KLHL29: variants seen among roughly 807,000 people sequenced by gnomAD.
The protein encoded by KLHL29 is kelch-like protein 29.
A neutral mutation model predicts 80.4 loss-of-function variants in KLHL29; 21 were observed. The ratio of observed to expected loss-of-function variants is 0.26; its 90% CI spans 0.19 to 0.38. KLHL29 has a LOEUF of 0.38. KLHL29 is among the 10% of genes least tolerant of loss of function. KLHL29 has a pLI of 1.00. For synonymous variants in KLHL29, 511 were observed against 526.8 expected, an observed-to-expected ratio of 0.97 and a Z score of 0.41; for missense variants, 867 against 1,223.9, an observed-to-expected ratio of 0.71 and a Z score of 4.35.
In KLHL29 at chr2:23,477,737, G is replaced by A. The variant is rs1005087818; in HGVS notation, c.-46+2070G>A. On this transcript the variant is annotated intron_variant, in intron 2 of 13. Coordinates refer to ENST00000486442, the MANE Select transcript of KLHL29 (RefSeq NM_052920.2). ...GAGTTGGAAAACAAGACAGCGCAGC[G>A]TCAGTTTGGCAGCCATGGCATCCCC... is the stretch of plus-strand genomic sequence containing the variant. Among the ~76,000 whole-genome samples the A allele has an allele frequency of 7.2e-5, 11 of 152,220 alleles. No homozygotes were observed. In the East Asian group the frequency reaches 7.7e-4, roughly 11 times the overall value.
At chr2:23,466,311 T>A (rs1315084097) in intron 1 of KLHL29, among the ~76,000 whole-genome samples, 2 of 152,224 alleles carry the variant, frequency 1.3e-5, no homozygotes, top group East Asian at 3.8e-4. Flanking sequence ...TAATGTGTAA[T>A]AAAATATAAA....
At chr2:23,550,266 G>T (rs1354820534) in intron 2 of KLHL29, among the ~76,000 whole-genome samples, 1 of 152,166 alleles carries the variant, frequency 6.6e-6, no homozygotes, top group East Asian at 1.9e-4. Flanking sequence ...AATTGCTTGA[G>T]AGGGAAAGGG....
chr2:23,565,728 C>T (rs1667574869), intron 3 of KLHL29, among the ~76,000 whole-genome samples: 1 of 152,182 alleles, frequency 6.6e-6, no homozygotes. Flanking sequence ...TGTCCGAGCT[C>T]ACCAGAGTGT....
intron 5 of KLHL29, among the ~76,000 whole-genome samples, chr2:23,674,849 G>A (rs141007387): frequency 7.9e-5 from 12 of 152,098 alleles, no homozygotes; most frequent in Admixed American, 2.6e-4. Flanking sequence ...ATAAAAGGAC[G>A]GTAGGGCCAC....
At chr2:23,573,898 G>A (rs1667779196) in intron 3 of KLHL29, among the ~76,000 whole-genome samples, 1 of 152,178 alleles carries the variant, frequency 6.6e-6, no homozygotes, top group African/African-American at 2.4e-5. Flanking sequence ...TCCAGCCCCC[G>A]CTTTCAGAGG....
At chr2:23,439,015 A>G (rs572043906) in intron 1 of KLHL29, among the ~76,000 whole-genome samples, 12 of 148,518 alleles carry the variant, frequency 8.1e-5, no homozygotes, top group Admixed American at 8.0e-4. Flanking sequence ...TCAGAGATTC[A>G]ACTTCTTCCT....
At position 23,607,668 on chromosome 2, in the gene KLHL29, C is replaced by A. The variant is rs77246136; in HGVS notation, c.286-31471C>A. On this transcript the variant is annotated intron_variant, in intron 3 of 13. Coordinates refer to ENST00000486442, the MANE Select transcript of KLHL29 (RefSeq NM_052920.2). Reference sequence around the variant, plus strand: ...AGCATGACCACCTGAGCTCCATCTCCTGTCAGATCAGCAATGACAATAGAT... The same window carrying A: ...AGCATGACCACCTGAGCTCCATCTCATGTCAGATCAGCAATGACAATAGAT... Among the ~76,000 whole-genome samples, 5 of 152,150 alleles carry A rather than the reference C, an allele frequency of 3.3e-5. No individual in the cohort carries two copies. The East Asian group carries it at 9.7e-4, about 29-fold the overall frequency.
intron 5 of KLHL29, among the ~76,000 whole-genome samples, chr2:23,659,548 T>C (rs1291632979): frequency 1.3e-5 from 2 of 152,162 alleles, no homozygotes; most frequent in African/African-American, 4.8e-5. Flanking sequence ...GCTTGGCAGG[T>C]GCGTGTCCAG....
In KLHL29 at chr2:23,562,274, G is replaced by A. The variant is rs1357477228; in HGVS notation, c.78G>A (p.Thr26=). Residue 26 remains threonine (T), a synonymous_variant, in exon 3 of 14, where the codon ACG becomes ACA. Transcript: ENST00000486442. The surrounding 1 kb of genome is among the most constrained non-coding windows in gnomAD (Gnocchi z 4.5). ...GCCGCGAATGGAGCGTCAACGGGAC[G>A]CATGGGACCACCAGCATCTGCAGTG... is the stretch of plus-strand genomic sequence containing the variant. The part of the protein sequence containing the change: ...WDRREWSVNG[T]HGTTSICSVT... 22 of 1,549,202 alleles carry A rather than the reference G, an allele frequency of 1.4e-5. No individual in the cohort carries two copies. Among genetic ancestry groups the A allele is most frequent in the Non-Finnish European group, 1.7e-5 (20 of 1,146,098 alleles).
Position 23,695,628 on chromosome 2 carries a change from G to T in KLHL29, c.1548G>T (p.Ala516=), listed in dbSNP as rs80308748. ...CTGTCTCCTGTACCCTGCAGTACGC[G>T]GCTGAGCTCCTGGCCGTGGTCCGCC... ...KKDPATRTQY[A]AELLAVVRLP... is the part of the protein sequence containing the mutation. Residue 516 remains alanine, a synonymous_variant, in exon 9 of 14, where the codon GCG becomes GCT. Transcript: ENST00000486442. The surrounding 1 kb of genome is among the most constrained non-coding windows in gnomAD (Gnocchi z 7.6). 7 of 1,549,992 alleles carry T rather than the reference G, an allele frequency of 4.5e-6. No individual in the cohort carries two copies. Among genetic ancestry groups the T allele is most frequent in the Non-Finnish European group, 6.1e-6 (7 of 1,146,372 alleles).
At position 23,519,202 on chromosome 2, in the gene KLHL29, C is replaced by G. The variant is rs758707601; in HGVS notation, c.-45-42950C>G. On this transcript the variant is annotated intron_variant, in intron 2 of 13. Coordinates refer to ENST00000486442, the MANE Select transcript of KLHL29 (RefSeq NM_052920.2). ...GCCTCCCTAGGTAAACTGACACTGA[C>G]CCTCCGCTAGTCAGTCTTGGACCCG... is the stretch of plus-strand genomic sequence containing the variant. 8.3e-4 allele frequency among the ~76,000 whole-genome samples: 127 copies of G among 152,282 alleles called. 2 individuals are homozygous for G. Among genetic ancestry groups the G allele is most frequent in the Non-Finnish European group, 2.2e-4 (15 of 68,014 alleles).
In KLHL29 at chr2:23,562,575, C is replaced by T; in HGVS notation, c.285+94C>T. On this transcript the variant is annotated intron_variant, in intron 3 of 13. Transcript: ENST00000486442. The surrounding 1 kb of genome is among the most constrained non-coding windows in gnomAD (Gnocchi z 4.5). ...AGCCCCACAGGCTCCTGTGGGGCAG[C>T]CTGTGCTCCACGCCCCGAGTCCTCC... 7.8e-7 allele frequency: 1 copy of T among 1,287,602 alleles called. No individual in the cohort carries two copies. The highest frequency in any genetic ancestry group is 2.6e-5 in the East Asian group (1 of 38,980). 79.8% of individuals were successfully genotyped at this position (1,287,602 alleles called of 1,614,324 possible).
Position 23,409,295 on chromosome 2 carries a change from A to G in KLHL29, c.-154+23515A>G, listed in dbSNP as rs140202813. On this transcript the variant is annotated intron_variant, in intron 1 of 13. Coordinates refer to ENST00000486442, the MANE Select transcript of KLHL29 (RefSeq NM_052920.2). ...TCCGCAGCTGTACTGAGCTCACATT[A>G]TATTGTCATCTTCTCCAGATTAAGG... Among the ~76,000 whole-genome samples, 362 of 152,194 alleles carry G rather than the reference A, an allele frequency of 2.4e-3. 1 individual carries two copies. Among genetic ancestry groups the G allele is most frequent in the African/African-American group, 8.4e-3 (348 of 41,536 alleles).
intron 2 of KLHL29, chr2:23,524,130 C>G: frequency 2.3e-6 from 1 of 442,866 alleles, no homozygotes; most frequent in African/African-American, 2.0e-5. Context: ...TGCAAGTGTT[C>G]CCATTTCTCG....
At position 23,561,827 on chromosome 2, in the gene KLHL29, A is replaced by G. The variant is rs1393244419; in HGVS notation, c.-45-325A>G. On this transcript the variant is annotated intron_variant, in intron 2 of 13. Coordinates refer to ENST00000486442, the MANE Select transcript of KLHL29 (RefSeq NM_052920.2). ...TTTTCACGGTGGGGTGGGAGGGGAT[A>G]AAGTCCCATCCATAATTAAAATATG... is the stretch of plus-strand genomic sequence containing the variant. Among the ~76,000 whole-genome samples, 6 of 152,186 alleles carry G rather than the reference A, an allele frequency of 3.9e-5. No homozygotes were observed. The East Asian group carries it at 9.7e-4, about 24-fold the overall frequency.
intron 5 of KLHL29, among the ~76,000 whole-genome samples, chr2:23,671,587 G>A (rs553443886): frequency 4.6e-5 from 7 of 152,262 alleles, no homozygotes; most frequent in South Asian, 2.1e-4. Context: ...AAAGCACACC[G>A]TTCCTGTGGG....
At chr2:23,481,069 A>G (rs956295333) in intron 2 of KLHL29, among the ~76,000 whole-genome samples, 4 of 152,186 alleles carry the variant, frequency 2.6e-5, no homozygotes, top group Admixed American at 1.3e-4. Context: ...CTGGCTGCCT[A>G]TGACATCACC....
chr2:23,402,424 G>A (rs922957449), intron 1 of KLHL29, among the ~76,000 whole-genome samples: 6 of 152,226 alleles, frequency 3.9e-5, no homozygotes, highest in African/African-American at 1.4e-4. Flanking sequence ...ATCTTTCCAG[G>A]ACACTAACCT....
At chr2:23,591,207 G>T (rs1463409254) in intron 3 of KLHL29, among the ~76,000 whole-genome samples, 2 of 152,198 alleles carry the variant, frequency 1.3e-5, no homozygotes, top group Non-Finnish European at 2.9e-5. Context: ...AAGGAGCAAC[G>T]GCCCTGAGGG....
Sources: gnomAD v4.1 joint callset for allele counts (sites outside exome capture counted in the v4.1 genomes callset) on GRCh38, gnomAD v4.1.1 for gene constraint, Gnocchi (gnomAD v3.1) non-coding constraint, MANE v1.5 for transcripts, NCBI Gene and HGNC (gene_info 2026-07-23, HGNC 2026-07-21) for gene names.